Variants in HADHA observed in about 807,000 individuals in gnomAD.
HADHA encodes the protein hydroxyacyl-CoA dehydrogenase trifunctional multienzyme complex subunit alpha.
HADHA carries 59 observed loss-of-function variants against 91.3 expected under a neutral mutation model. The ratio of observed to expected loss-of-function variants is 0.65; its 90% confidence interval spans 0.52 to 0.80. HADHA has a LOEUF of 0.80. Ranked by LOEUF, HADHA falls within the 30% of genes least tolerant of loss-of-function variation. HADHA has a pLI of 0.00. For missense variants in HADHA, 800 were observed against 927.6 expected (o/e 0.86, Z 1.79); for synonymous variants, 320 against 338.9 (o/e 0.94, Z 0.61).
intron 15 of HADHA, 142 bp from the exon 16 acceptor site, chr2:26,194,780 T>TA (rs1293088331): frequency 1.4e-6 from 1 of 729,500 alleles, no homozygotes; most frequent in East Asian, 2.6e-5. Flanking sequence ...TCAGAATCCT[T>TA]AAAAATGAAA....
intron 17 of HADHA, 49 bp downstream of exon 17, chr2:26,193,528 A>C: frequency 2.7e-6 from 4 of 1,464,852 alleles, no homozygotes; most frequent in Non-Finnish European, 3.8e-6. Context: ...GGAACTGCTT[A>C]GAACTTTGTA....
chr2:26,237,256 C>G (rs904647815), intron 3 of HADHA, among the ~76,000 whole-genome samples: 6 of 151,990 alleles, frequency 3.9e-5, no homozygotes, highest in African/African-American at 1.4e-4. Flanking sequence ...CATATGTAGG[C>G]TATAAACAAA....
intron 10 of HADHA, among the ~76,000 whole-genome samples, chr2:26,211,644 A>G (rs574094358): frequency 6.6e-6 from 1 of 152,348 alleles, no homozygotes; most frequent in South Asian, 2.1e-4. Context: ...GAAATCTGAA[A>G]TGTTTCTAGT....
chr2:26,201,548 C>T (rs1157332045), intron 12 of HADHA, among the ~76,000 whole-genome samples: 3 of 152,188 alleles, frequency 2.0e-5, no homozygotes, highest in Non-Finnish European at 2.9e-5. Flanking sequence ...CTCCCAAGTA[C>T]ACATTCTTTC....
At chr2:26,192,862 T>A (rs1324602671) in intron 17 of HADHA, among the ~76,000 whole-genome samples, 1 of 152,172 alleles carries the variant, frequency 6.6e-6, no homozygotes, top group Non-Finnish European at 1.5e-5. Flanking sequence ...AGCAAATTAG[T>A]CTTTGTCAGA....
Position 26,195,169 on chromosome 2 carries a change from C to T in HADHA, c.1543G>A (p.Glu515Lys), listed in dbSNP as rs763353852. Residue 515 changes from glutamate to lysine, a missense_variant, in exon 15 of 20, where the codon GAG becomes AAG. Physicochemically the swap from Glu to Lys is moderately conservative, Grantham distance 56. Transcript: ENST00000380649. ...GCACTGGTGTCTTTGGAAGTTTTCT[C>T]GGTCGTGATAATCTCCAGCAGCTGC... Reference protein sequence around the residue: ...KMQLLEIITTEKTSKDTSASA... With the variant: ...KMQLLEIITTKKTSKDTSASA... The T allele has an allele frequency of 6.8e-6, 11 of 1,612,000 alleles. No individual in the cohort carries two copies. The highest frequency in any genetic ancestry group is 2.7e-5 in the African/African-American group (2 of 74,790).
At position 26,215,148 on chromosome 2, in the gene HADHA, C is replaced by T. The variant is rs762322638; in HGVS notation, c.704G>A (p.Arg235Gln). 18 of 1,611,154 alleles carry T rather than the reference C, an allele frequency of 1.1e-5. No homozygotes were observed. Among genetic ancestry groups the T allele is most frequent in the Admixed American group, 1.7e-5 (1 of 59,994 alleles). ...LGPGLKPPEERTIEYLEEVAI... is the reference protein window; with the variant it reads ...LGPGLKPPEEQTIEYLEEVAI... ...AACTTCTTCTAGGTATTCTATTGTC[C>T]GTTCCTCTGGAGGTTTTAGTCCTGG... Residue 235 changes from arginine to glutamine, a missense_variant, in exon 8 of 20, where the codon CGG (arginine) becomes CAG (glutamine). Coordinates refer to ENST00000380649, the MANE Select transcript of HADHA (RefSeq NM_000182.5).
In HADHA at chr2:26,191,183, C is replaced by T. The variant is rs1558313165; in HGVS notation, c.*67G>A. The T allele has an allele frequency of 1.3e-6, 2 of 1,490,220 alleles. No homozygotes were observed. The allele number at this position is 1,490,220 out of a possible 1,614,324, so 92.3% of individuals were successfully genotyped here. A position where few individuals can be genotyped will look rare whatever the true frequency, so the allele number is the denominator to read the frequency against. On this transcript the variant is annotated 3_prime_UTR_variant, in exon 20 of 20. Coordinates refer to ENST00000380649, the MANE Select transcript of HADHA (RefSeq NM_000182.5). ...TACTCTGATAAATCTAGACACCACT[C>T]TGTTGGAGAACCAGCACTGCCGGCA...
chr2:26,234,131 A>G (rs1670690169), intron 5 of HADHA, 86 bp downstream of exon 5: 4 of 1,338,028 alleles, frequency 3.0e-6, no homozygotes, highest in Non-Finnish European at 4.3e-6. Context: ...AACTTTTTCC[A>G]GGCAAAGCAG....
chr2:26,240,853 C>T (rs1670872534), intron 1 of HADHA, among the ~76,000 whole-genome samples: 1 of 152,172 alleles, frequency 6.6e-6, no homozygotes, highest in Admixed American at 6.5e-5. Flanking sequence ...TAACTCCTGT[C>T]CACTAACCTA....
At position 26,191,632 on chromosome 2, in the gene HADHA, C is replaced by T. The variant is rs775551171; in HGVS notation, c.2001-4G>A. ...CTGGATGTCTTCGTCTGATGAGCTG[C>T]CAACAGAAAGAGATGTTTAGGTAGA... On this transcript the variant is annotated splice_polypyrimidine_tract_variant and splice_region_variant and intron_variant, in intron 18 of 19. Coordinates refer to ENST00000380649, the MANE Select transcript of HADHA (RefSeq NM_000182.5). 1.9e-6 allele frequency: 3 copies of T among 1,613,782 alleles called. No individual in the cohort carries two copies. In the South Asian group the frequency reaches 3.3e-5, roughly 18 times the overall value.
intron 7 of HADHA, among the ~76,000 whole-genome samples, chr2:26,218,310 AGAG>A (rs974067411): frequency 1.5e-5 from 2 of 135,636 alleles, no homozygotes; most frequent in African/African-American, 2.9e-5. Flanking sequence ...AAAAAAAAAA[AGAG>A]AGAGAAAAGA....
chr2:26,236,875 A>G lies in HADHA; in HGVS notation c.294T>C (p.Phe98=). Residue 98 remains phenylalanine (F), a synonymous_variant, in exon 4 of 20, where the codon TTT becomes TTC. Transcript: ENST00000380649. ...CTTACTTGATATCAGCACCTGCAAT[A>G]AAGCAGCCTGGCTTTGATGAGATAA... ...AVLISSKPGC[F]IAGADINMLA... is the part of the protein sequence containing the mutation. The G allele has an allele frequency of 6.2e-7, 1 of 1,612,348 alleles. No individual in the cohort carries two copies. The highest frequency in any genetic ancestry group is 8.5e-7 in the Non-Finnish European group (1 of 1,179,142).
chr2:26,217,289 A>G (rs1670244605), intron 7 of HADHA, among the ~76,000 whole-genome samples: 2 of 152,248 alleles, frequency 1.3e-5, no homozygotes, highest in South Asian at 4.1e-4. Flanking sequence ...CCAGAATGAA[A>G]GAAGACCTAA....
At chr2:26,216,699 T>C (rs145190587) in intron 7 of HADHA, among the ~76,000 whole-genome samples, 19 of 152,200 alleles carry the variant, frequency 1.2e-4, no homozygotes, top group Admixed American at 7.2e-4. Flanking sequence ...AAAAGTTCAG[T>C]GTCCAGAAAA....
chr2:26,195,193 G>T lies in HADHA; in HGVS notation c.1519C>A (p.Gln507Lys). 2 of 1,611,624 alleles carry T rather than the reference G, an allele frequency of 1.2e-6. No individual in the cohort carries two copies. Among genetic ancestry groups the T allele is most frequent in the East Asian group, 2.2e-5 (1 of 44,868 alleles). ...MHYFSPVDKM[Q>K]LLEIITTEKT... Reference sequence around the variant, plus strand: ...TCGGTCGTGATAATCTCCAGCAGCTGCATCTTGTCCACGGGAGAGAAGTAG... The same window carrying T: ...TCGGTCGTGATAATCTCCAGCAGCTTCATCTTGTCCACGGGAGAGAAGTAG... The change falls in exon 15 of 20, where the codon CAG becomes AAG. Residue 507 changes from glutamine to lysine, a missense_variant. Gln to Lys is a moderately conservative substitution (Grantham distance 53). Transcript: ENST00000380649.
intron 11 of HADHA, among the ~76,000 whole-genome samples, chr2:26,204,662 C>A (rs1397857041): frequency 6.6e-6 from 1 of 152,138 alleles, no homozygotes; most frequent in East Asian, 1.9e-4. Context: ...AGGTTTACTG[C>A]AGCCTTGAAC....
At position 26,239,021 on chromosome 2, in the gene HADHA, G is replaced by A. The variant is rs1005381701; in HGVS notation, c.110-17C>T. 4 of 1,590,744 alleles carry A rather than the reference G, an allele frequency of 2.5e-6. No homozygotes were observed. In the Admixed American group the frequency reaches 6.7e-5, roughly 27 times the overall value. On this transcript the variant is annotated splice_polypyrimidine_tract_variant and intron_variant, in intron 2 of 19. Transcript: ENST00000380649. ...GGGTTCTGGCTAAAAAGAAAAGAAA[G>A]ATTTATTTGTAAACATATTTATTGC...
chr2:26,215,768 T>C (rs1670201867), intron 7 of HADHA, among the ~76,000 whole-genome samples: 1 of 152,168 alleles, frequency 6.6e-6, no homozygotes, highest in Non-Finnish European at 1.5e-5. Flanking sequence ...GCAAAGCCAG[T>C]TTTCCCCAAG....
Sources: gnomAD v4.1 joint callset for allele counts (sites outside exome capture counted in the v4.1 genomes callset) on GRCh38, gnomAD v4.1.1 for gene constraint, MANE v1.5 for transcripts, NCBI Gene and HGNC (gene_info 2026-07-23, HGNC 2026-07-21) for gene names.